ROBO1: variants seen among roughly 807,000 people sequenced by gnomAD.
ROBO1 encodes the protein roundabout homolog 1.
A neutral mutation model predicts 195.9 loss-of-function variants in ROBO1; 149 were observed. The observed-to-expected ratio is 0.76, with a 90% CI of 0.67 to 0.87. ROBO1 has a LOEUF of 0.87. ROBO1 is among the 40% of genes least tolerant of loss of function. The probability of loss-of-function intolerance (pLI) is 0.00; values close to 1 mark genes in which losing one functional copy is unlikely to be tolerated. For missense variants in ROBO1, 1,933 were observed against 2,068.3 expected (o/e 0.93, Z 1.27); for synonymous variants, 816 against 733.2 (o/e 1.11, Z -1.82).
At chr3:78,931,652 A>G (rs1396475407) in intron 4 of ROBO1, among the ~76,000 whole-genome samples, 1 of 152,206 alleles carries the variant, frequency 6.6e-6, no homozygotes, top group South Asian at 2.1e-4. Context: ...AATCTATGGT[A>G]CAGCAAGTAT....
At chr3:79,668,854 A>C (rs898185296) in intron 1 of ROBO1, among the ~76,000 whole-genome samples, 1 of 151,892 alleles carries the variant, frequency 6.6e-6, no homozygotes, top group Admixed American at 6.6e-5. Context: ...AGATATCAAC[A>C]GCCAAAGACC....
At chr3:79,044,229 T>C (rs2108343325) in intron 3 of ROBO1, among the ~76,000 whole-genome samples, 1 of 152,208 alleles carries the variant, frequency 6.6e-6, no homozygotes, top group Middle Eastern at 3.4e-3. Context: ...ATATATGGCC[T>C]GTGGGCTGTG....
At chr3:79,523,272 G>A (rs962523798) in intron 2 of ROBO1, among the ~76,000 whole-genome samples, 1 of 151,416 alleles carries the variant, frequency 6.6e-6, no homozygotes, top group African/African-American at 2.4e-5. Context: ...CATATACTAA[G>A]ATATCTATGT....
chr3:78,683,088 A>G (rs953039812), intron 10 of ROBO1, among the ~76,000 whole-genome samples: 82 of 151,966 alleles, frequency 5.4e-4, no homozygotes, highest in African/African-American at 2.0e-3. Context: ...ATAATTTAAT[A>G]TTTTACCACC....
intron 2 of ROBO1, among the ~76,000 whole-genome samples, chr3:79,497,356 A>C (rs969063119): frequency 6.6e-6 from 1 of 152,204 alleles, no homozygotes; most frequent in Admixed American, 6.5e-5. Flanking sequence ...GTAACTCCTT[A>C]ACATATTTAT....
intron 4 of ROBO1, among the ~76,000 whole-genome samples, chr3:78,884,396 G>A (rs1053530516): frequency 1.3e-5 from 2 of 152,014 alleles, no homozygotes; most frequent in African/African-American, 4.8e-5. Context: ...AGGATTGTTT[G>A]AGCTCAAGAG....
At chr3:79,099,118 A>G (rs1475676765) in intron 3 of ROBO1, among the ~76,000 whole-genome samples, 1 of 151,772 alleles carries the variant, frequency 6.6e-6, no homozygotes, top group Non-Finnish European at 1.5e-5. Context: ...TTCATAACTG[A>G]ACTTTAAAAA....
intron 2 of ROBO1, among the ~76,000 whole-genome samples, chr3:79,572,746 A>G (rs960514463): frequency 5.3e-5 from 8 of 152,190 alleles, no homozygotes; most frequent in African/African-American, 1.9e-4. Context: ...AAGCAAGAAA[A>G]ACAGAGAAAG....
intron 10 of ROBO1, among the ~76,000 whole-genome samples, chr3:78,675,449 G>A (rs377571121): frequency 2.1e-4 from 32 of 152,228 alleles, no homozygotes; most frequent in African/African-American, 7.5e-4. Context: ...CTGGAAAATC[G>A]GGTCACTCCC....
intron 4 of ROBO1, among the ~76,000 whole-genome samples, chr3:78,888,336 TG>T (rs2036683806): frequency 6.6e-6 from 1 of 152,216 alleles, no homozygotes; most frequent in Non-Finnish European, 1.5e-5. Context: ...AAGTTGGAAT[TG>T]TTATAGGTAT....
At chr3:79,168,424 C>T (rs1290133000) in intron 2 of ROBO1, among the ~76,000 whole-genome samples, 1 of 152,010 alleles carries the variant, frequency 6.6e-6, no homozygotes, top group Non-Finnish European at 1.5e-5. Flanking sequence ...GGCAGAAACT[C>T]CTTGGCTTTC....
intron 2 of ROBO1, chr3:79,533,140 A>G (rs1485204208): frequency 2.3e-6 from 1 of 429,424 alleles, no homozygotes; most frequent in South Asian, 1.7e-5. Context: ...GGGCACTTTT[A>G]TAATATGGAG....
At chr3:79,553,191 T>C (rs530078664) in intron 2 of ROBO1, among the ~76,000 whole-genome samples, 1 of 152,128 alleles carries the variant, frequency 6.6e-6, no homozygotes, top group South Asian at 2.1e-4. Flanking sequence ...TCCATTTATT[T>C]GTTGTCAGGG....
chr3:79,304,271 T>G (rs2033120734), intron 2 of ROBO1, among the ~76,000 whole-genome samples: 1 of 152,128 alleles, frequency 6.6e-6, no homozygotes, highest in Non-Finnish European at 1.5e-5. Context: ...GTAATACACT[T>G]AATTTAGAAT....
chr3:79,638,207 C>T (rs1414190566), intron 1 of ROBO1, among the ~76,000 whole-genome samples: 1 of 152,058 alleles, frequency 6.6e-6, no homozygotes, highest in Non-Finnish European at 1.5e-5. Context: ...TAAAACATAG[C>T]CATATTTAGG....
At chr3:78,724,257 G>A (rs77810343) in intron 5 of ROBO1, among the ~76,000 whole-genome samples, 1 of 151,924 alleles carries the variant, frequency 6.6e-6, no homozygotes, top group East Asian at 1.9e-4. Context: ...TACTCTCAAC[G>A]GTCACAAATA....
At chr3:78,612,593 C>G (rs1277244147) in intron 28 of ROBO1, among the ~76,000 whole-genome samples, 1 of 152,156 alleles carries the variant, frequency 6.6e-6, no homozygotes, top group Non-Finnish European at 1.5e-5. Context: ...AATCAATATG[C>G]ATGATGGGAT....
At chr3:79,379,771 A>G (rs1160670261) in intron 2 of ROBO1, among the ~76,000 whole-genome samples, 1 of 152,180 alleles carries the variant, frequency 6.6e-6, no homozygotes, top group Non-Finnish European at 1.5e-5. Context: ...CTTTTAAAGT[A>G]TTGCCACCAG....
intron 2 of ROBO1, among the ~76,000 whole-genome samples, chr3:79,330,671 G>GAAAAAAAAAA (rs34923136): frequency 2.6e-5 from 2 of 77,400 alleles, no homozygotes; most frequent in Non-Finnish European, 4.7e-5. Flanking sequence ...GGAACTTAGG[G>GAAAAAAAAAA]AAAAAAAAAA....
Sources: allele counts gnomAD v4.1 joint callset (sites outside exome capture counted in the v4.1 genomes callset), GRCh38; gene constraint gnomAD v4.1.1; transcripts MANE v1.5; gene names NCBI Gene and HGNC (gene_info 2026-07-23, HGNC 2026-07-21).